PHF20L1: variants seen among roughly 807,000 people sequenced by gnomAD.
PHF20L1 encodes the protein PHD finger protein 20-like protein 1.
A neutral mutation model predicts 125.5 loss-of-function variants in PHF20L1; 44 were observed. The observed-to-expected ratio is 0.35, with a 90% CI of 0.28 to 0.45. PHF20L1 has a LOEUF of 0.45. PHF20L1 is among the 20% of genes least tolerant of loss of function. PHF20L1 has a pLI of 1.00. For missense variants in PHF20L1, 1,012 were observed against 1,217.2 expected, an observed-to-expected ratio of 0.83 and a Z score of 2.51; for synonymous variants, 380 against 403.1, an observed-to-expected ratio of 0.94 and a Z score of 0.69.
intron 15 of PHF20L1, among the ~76,000 whole-genome samples, chr8:132,834,363 T>A (rs1837114589): frequency 6.6e-6 from 1 of 152,070 alleles, no homozygotes; most frequent in Admixed American, 6.6e-5. Flanking sequence ...TGAGGCAAGA[T>A]CTTGCTCTGT....
rs1224060605 is a variant in PHF20L1, at chr8:132,836,520, A to C, written c.1910-20A>C. ...AAAATAGAAAAGTTGTTCTAAGTAT[A>C]CTTTTTGTATATATTCTAGACTTAT... is the stretch of plus-strand genomic sequence containing the variant. On this transcript the variant is annotated intron_variant, in intron 15 of 20. Transcript: ENST00000395386. 1 of 1,506,060 alleles carries C rather than the reference A, an allele frequency of 6.6e-7. No individual in the cohort carries two copies. Among genetic ancestry groups the C allele is most frequent in the Non-Finnish European group, 9.1e-7 (1 of 1,098,382 alleles). 93.3% of individuals were successfully genotyped at this position (1,506,060 alleles called of 1,614,324 possible).
Position 132,844,196 on chromosome 8 carries a change from A to T in PHF20L1, c.2789A>T (p.Lys930Ile). The change falls in exon 20 of 21, where the codon AAA becomes ATA. Residue 930 changes from lysine (K) to isoleucine (I), a missense_variant. Lys to Ile is a moderately radical substitution (Grantham distance 102). Transcript: ENST00000395386. ...EGNTVFVYND[K>I]KGTEDPGDSH... The stretch of plus-strand genomic sequence containing the variant: ...AATACAGTATTTGTTTATAATGATA[A>T]AAAGGGCACCGAAGACCCAGGAGAC... 1 of 1,612,938 alleles carries T rather than the reference A, an allele frequency of 6.2e-7. No individual in the cohort carries two copies. The highest frequency in any genetic ancestry group is 1.1e-5 in the South Asian group (1 of 91,040).
chr8:132,845,499 G>T (rs1838345773), intron 20 of PHF20L1, among the ~76,000 whole-genome samples: 1 of 152,070 alleles, frequency 6.6e-6, no homozygotes, highest in East Asian at 1.9e-4. Flanking sequence ...ATGTGTGTGT[G>T]TATATGTATT....
Position 132,825,489 on chromosome 8 carries a change from G to T in PHF20L1, c.1744+118G>T, listed in dbSNP as rs2131786463. On this transcript the variant is annotated intron_variant, in intron 14 of 20. Transcript: ENST00000395386. ...ATCCCCGTGTCCCGTGTTGAGAACT[G>T]AAAGGTTTCTGTAGCTTTCCTTTGA... 6 of 765,242 alleles carry T rather than the reference G, an allele frequency of 7.8e-6. No individual in the cohort carries two copies. The South Asian group carries it at 1.3e-4, about 17-fold the overall frequency. 47.4% of individuals were successfully genotyped at this position (765,242 alleles called of 1,614,324 possible).
Position 132,794,530 on chromosome 8 carries a change from T to C in PHF20L1, c.204T>C (p.Leu68=). The C allele has an allele frequency of 6.2e-7, 1 of 1,612,634 alleles. No individual in the cohort carries two copies. The highest frequency in any genetic ancestry group is 1.7e-5 in the Admixed American group (1 of 59,982). The change falls in exon 3 of 21, where the codon CTT becomes CTC. Residue 68 remains leucine, a synonymous_variant. Coordinates refer to ENST00000395386, the MANE Select transcript of PHF20L1 (RefSeq NM_016018.5). ...GGGATAGCAATAGATTGCGACCCCT[T>C]GAGAGACCAGCACTAAGAAAAGAAG... The part of the protein sequence containing the change: ...IYWDSNRLRP[L]ERPALRKEGL...
At chr8:132,837,364 C>T (rs1587074700) in intron 16 of PHF20L1, among the ~76,000 whole-genome samples, 2 of 151,994 alleles carry the variant, frequency 1.3e-5, no homozygotes, top group Non-Finnish European at 2.9e-5. Context: ...ACACTGCTAC[C>T]AACTTTTTTT....
intron 14 of PHF20L1, among the ~76,000 whole-genome samples, chr8:132,829,822 A>G (rs950829531): frequency 2.0e-5 from 3 of 152,040 alleles, no homozygotes; most frequent in Non-Finnish European, 4.4e-5. Flanking sequence ...TCTTGCCTCA[A>G]TTCTTTACTA....
chr8:132,812,273 G>A (rs1364288457), intron 9 of PHF20L1: 35 of 984,420 alleles, frequency 3.6e-5, no homozygotes, highest in Non-Finnish European at 4.0e-5. Flanking sequence ...CTCAGAATGC[G>A]ATAAATCAGG....
chr8:132,838,736 G>A (rs1837632998), intron 17 of PHF20L1: 1 of 152,110 alleles, frequency 6.6e-6, no homozygotes, highest in African/African-American at 2.4e-5. Flanking sequence ...CATTTATAGT[G>A]TTCATTATTC....
At chr8:132,840,569 CTCTG>C (rs956665664) in intron 18 of PHF20L1, among the ~76,000 whole-genome samples, 187 of 152,242 alleles carry the variant, frequency 1.2e-3, no homozygotes, top group African/African-American at 4.1e-3. Context: ...ATGACACATA[CTCTG>C]TCTACCATTT....
At chr8:132,821,838 A>AT (rs989858469) in intron 12 of PHF20L1, among the ~76,000 whole-genome samples, 11 of 151,236 alleles carry the variant, frequency 7.3e-5, no homozygotes, top group Admixed American at 1.3e-4. Flanking sequence ...CTGCCAGATA[A>AT]TTTTTTTTTA....
At position 132,810,873 on chromosome 8, in the gene PHF20L1, G is replaced by A. The variant is rs1463368445; in HGVS notation, c.848-173G>A. The A allele has an allele frequency of 7.3e-6, 4 of 550,276 alleles. No homozygotes were observed. In the African/African-American group the frequency reaches 7.6e-5, roughly 10 times the overall value. 34.1% of individuals were successfully genotyped at this position (550,276 alleles called of 1,614,324 possible). On this transcript the variant is annotated intron_variant, in intron 8 of 20. Transcript: ENST00000395386. The stretch of plus-strand genomic sequence containing the variant: ...TAAGCAACTCTCAAGTTCTGATTCA[G>A]TCCCTTGGCTTATTATTAAGCATAT...
chr8:132,836,817 T>C, intron 16 of PHF20L1, 96 bp downstream of exon 16: 1 of 848,432 alleles, frequency 1.2e-6, no homozygotes, highest in Non-Finnish European at 1.9e-6. Flanking sequence ...ACTGTACTAC[T>C]GAAGATAGTG....
rs1338815944 is a variant in PHF20L1, at chr8:132,777,702, TTC to T, written c.-37-88_-37-87del. ...ATATTCTCATGTATTGTTTTAGAAA[TTC>T]TGTTTAATTTTAATTTGACCTGTTC... is the stretch of plus-strand genomic sequence containing the variant. On this transcript the variant is annotated intron_variant, in intron 1 of 20. Coordinates refer to ENST00000395386, the MANE Select transcript of PHF20L1 (RefSeq NM_016018.5). 2.2e-5 allele frequency: 14 copies of T among 626,536 alleles called. No homozygotes were observed. In the East Asian group the frequency reaches 3.1e-4, roughly 14 times the overall value. The allele number at this position is 626,536 out of a possible 1,614,324, so 38.8% of individuals were successfully genotyped here.
At chr8:132,800,216 T>C (rs2472235) in intron 6 of PHF20L1, among the ~76,000 whole-genome samples, 2,111 of 151,866 alleles carry the variant, frequency 0.014, 21 homozygotes, top group Non-Finnish European at 0.02. Context: ...TTGGATGTTA[T>C]GGATGTTTGT....
chr8:132,808,572 A>G (rs1032132871), intron 8 of PHF20L1: 5 of 152,082 alleles, frequency 3.3e-5, no homozygotes, highest in Non-Finnish European at 5.9e-5. Context: ...TTTCCTGCAA[A>G]AGAAGAACTT....
chr8:132,817,177 A>G, intron 11 of PHF20L1, 101 bp downstream of exon 11: 1 of 923,786 alleles, frequency 1.1e-6, no homozygotes, highest in Non-Finnish European at 1.6e-6. Flanking sequence ...CTGCTCTTAT[A>G]TCTTCTGGAG....
chr8:132,793,948 C>T (rs1213770923), intron 2 of PHF20L1, among the ~76,000 whole-genome samples: 2 of 152,140 alleles, frequency 1.3e-5, no homozygotes, highest in African/African-American at 4.8e-5. Flanking sequence ...TCTTTGTAAA[C>T]ACCACATTCA....
At chr8:132,782,380 ATTGC>A (rs1318296620) in intron 2 of PHF20L1, among the ~76,000 whole-genome samples, 2 of 152,192 alleles carry the variant, frequency 1.3e-5, no homozygotes, top group African/African-American at 4.8e-5. Context: ...AAAATTATGT[ATTGC>A]TTTAAGTTCT....
Sources: allele counts gnomAD v4.1 joint callset (sites outside exome capture counted in the v4.1 genomes callset), GRCh38; gene constraint gnomAD v4.1.1; transcripts MANE v1.5; gene names NCBI Gene and HGNC (gene_info 2026-07-23, HGNC 2026-07-21).